Variants in SNX31 observed in about 807,000 individuals in gnomAD.
SNX31 encodes sorting nexin 31, also known as sorting nexin-31.
Under a neutral mutation model 65.4 loss-of-function variants are expected in SNX31, and 58 were observed. The observed-to-expected ratio is 0.89, with a 90% CI of 0.72 to 1.10. The LOEUF (loss-of-function observed/expected upper bound fraction) is 1.10, where lower values mean the gene tolerates loss of function less well. SNX31 is among the 50% of genes least tolerant of loss of function. The pLI is 0.00. For synonymous variants in SNX31, 181 were observed against 190.1 expected, an observed-to-expected ratio of 0.95 and a Z score of 0.39; for missense variants, 523 against 529.7, an observed-to-expected ratio of 0.99 and a Z score of 0.12.
intron 7 of SNX31, 46 bp from the exon 8 acceptor site, chr8:100,608,609 T>A: frequency 6.3e-7 from 1 of 1,585,598 alleles, no homozygotes. Context: ...ACATGGCCCA[T>A]GGGCACACCT....
At chr8:100,659,160 A>G (rs1432715629) in intron 1 of SNX31, among the ~76,000 whole-genome samples, 1 of 152,034 alleles carries the variant, frequency 6.6e-6, no homozygotes, top group African/African-American at 2.4e-5. Context: ...AGACTGGCCA[A>G]CATGGTGAAA....
chr8:100,590,811 A>T (rs1397935856), intron 10 of SNX31, among the ~76,000 whole-genome samples: 3 of 150,524 alleles, frequency 2.0e-5, no homozygotes, highest in African/African-American at 7.5e-5. Context: ...ACAACAACAA[A>T]ATATGAATTG....
chr8:100,641,563 AAAATATATAT>A (rs1181654708), intron 2 of SNX31, among the ~76,000 whole-genome samples: 19 of 22,578 alleles, frequency 8.4e-4, no homozygotes, highest in African/African-American at 5.9e-3. Flanking sequence ...AAAAAAAAAA[AAAATATATAT>A]ATATATATAT....
intron 4 of SNX31, among the ~76,000 whole-genome samples, chr8:100,623,960 AT>A (rs948593892): frequency 3.0e-5 from 3 of 99,238 alleles, no homozygotes; most frequent in African/African-American, 7.9e-5. Context: ...ACAACTAAGC[AT>A]TTTTTTTTCT....
chr8:100,608,152 T>C (rs1816347238), intron 8 of SNX31, among the ~76,000 whole-genome samples: 1 of 152,260 alleles, frequency 6.6e-6, no homozygotes, highest in East Asian at 1.9e-4. Flanking sequence ...TACATTTTAT[T>C]GTTATCGTGG....
At chr8:100,644,989 G>A (rs565966698) in intron 2 of SNX31, among the ~76,000 whole-genome samples, 12 of 152,322 alleles carry the variant, frequency 7.9e-5, no homozygotes, top group South Asian at 4.1e-4. Flanking sequence ...TTATGCATTA[G>A]CTCTCCACAT....
chr8:100,577,179 C>A, intron 12 of SNX31, 104 bp from the exon 13 acceptor site: 1 of 1,002,656 alleles, frequency 1.0e-6, no homozygotes, highest in Non-Finnish European at 1.5e-6. Flanking sequence ...TCCTCTTAAT[C>A]GTCCCAAAGG....
rs1333429377 is a variant in SNX31, at chr8:100,578,661, A to G, written c.1171-1586T>C. 3.3e-5 allele frequency among the ~76,000 whole-genome samples: 5 copies of G among 151,636 alleles called. No individual in the cohort carries two copies. The East Asian group carries it at 5.8e-4, about 18-fold the overall frequency. ...TAGTATTCTTAATGGAAATGTTCAC[A>G]TATTTAAGCCTATTTCAATGATTTT... On this transcript the variant is annotated intron_variant, in intron 12 of 13. Coordinates refer to ENST00000311812, the MANE Select transcript of SNX31 (RefSeq NM_152628.4). This position sits in a 1 kb window ranked among gnomAD's most constrained non-coding sequence, Gnocchi z 4.7.
intron 2 of SNX31, among the ~76,000 whole-genome samples, chr8:100,642,895 T>C (rs1819356590): frequency 1.3e-5 from 2 of 152,150 alleles, no homozygotes; most frequent in Admixed American, 6.5e-5. Flanking sequence ...AATATTTTCA[T>C]AAACCCCAGA....
At chr8:100,655,161 C>T (rs945965154) in intron 1 of SNX31, among the ~76,000 whole-genome samples, 1 of 152,146 alleles carries the variant, frequency 6.6e-6, no homozygotes. Context: ...TCTGCCACAA[C>T]AGCACACAGG....
Position 100,648,706 on chromosome 8 carries a change from G to C in SNX31, c.141+568C>G, listed in dbSNP as rs1308328620. Among the ~76,000 whole-genome samples, 8 of 152,176 alleles carry C rather than the reference G, an allele frequency of 5.3e-5. No homozygotes were observed. The highest frequency in any genetic ancestry group is 5.2e-4 in the Admixed American group (8 of 15,288). On this transcript the variant is annotated intron_variant, in intron 2 of 13. Transcript: ENST00000311812. This position sits in a 1 kb window ranked among gnomAD's most constrained non-coding sequence, Gnocchi z 4.3. ...GAAAATACTGTCAAGACAGCAGGGT[G>C]AGAAACTATCCTAGCTTGGTAAGTC...
intron 2 of SNX31, among the ~76,000 whole-genome samples, chr8:100,640,022 A>C (rs889732381): frequency 6.6e-6 from 1 of 152,166 alleles, no homozygotes; most frequent in Admixed American, 6.5e-5. Context: ...AATATGACCC[A>C]AAGTATAAAG....
chr8:100,654,788 G>A (rs1391307157), intron 1 of SNX31, among the ~76,000 whole-genome samples: 6 of 152,186 alleles, frequency 3.9e-5, no homozygotes, highest in East Asian at 1.9e-4. Flanking sequence ...TGAGGCATGC[G>A]GATCACTTGA....
chr8:100,655,549 C>A (rs1820041479), intron 1 of SNX31, among the ~76,000 whole-genome samples: 1 of 152,208 alleles, frequency 6.6e-6, no homozygotes, highest in Non-Finnish European at 1.5e-5. Context: ...CTCTTGTCTG[C>A]CACCATGTAA....
Position 100,612,934 on chromosome 8 carries a change from G to T in SNX31, c.523+61C>A. The stretch of plus-strand genomic sequence containing the variant: ...AGCCCCTCAGCTGTGACTCCTATGA[G>T]CCCCTGCTCACACCTGTCCACCCCA... On this transcript the variant is annotated intron_variant, in intron 6 of 13. Coordinates refer to ENST00000311812, the MANE Select transcript of SNX31 (RefSeq NM_152628.4). The surrounding 1 kb of genome is among the most constrained non-coding windows in gnomAD (Gnocchi z 4.3). 7.0e-7 allele frequency: 1 copy of T among 1,431,486 alleles called. No individual in the cohort carries two copies. The highest frequency in any genetic ancestry group is 9.9e-7 in the Non-Finnish European group (1 of 1,014,238). 88.7% of individuals were successfully genotyped at this position (1,431,486 alleles called of 1,614,324 possible). A position where few individuals can be genotyped will look rare whatever the true frequency, so the allele number is the denominator to read the frequency against.
intron 8 of SNX31, among the ~76,000 whole-genome samples, chr8:100,606,712 C>T (rs1563540924): frequency 2.0e-5 from 3 of 152,190 alleles, no homozygotes; most frequent in South Asian, 2.1e-4. Flanking sequence ...CTTAGAGTCA[C>T]GCTAAATAAA....
rs898011870 is a variant in SNX31, at chr8:100,578,219, A to G, written c.1171-1144T>C. On this transcript the variant is annotated intron_variant, in intron 12 of 13. Coordinates refer to ENST00000311812, the MANE Select transcript of SNX31 (RefSeq NM_152628.4). This position sits in a 1 kb window ranked among gnomAD's most constrained non-coding sequence, Gnocchi z 4.7. ...AGGCAGAGTGCCTGGCACACCTAGT[A>G]AACACCACCTAGCCAGGCTTTTTGG... Among the ~76,000 whole-genome samples the G allele has an allele frequency of 6.6e-6, 1 of 152,220 alleles. No homozygotes were observed. Among genetic ancestry groups the G allele is most frequent in the African/African-American group, 2.4e-5 (1 of 41,456 alleles).
In SNX31 at chr8:100,612,783, C is replaced by T. The variant is rs556848532; in HGVS notation, c.523+212G>A. ...GGCTGGGGGTACACAAGTGCAGTTA[C>T]TGGACCACCCAAGGTATGAGCGGTT... is the stretch of plus-strand genomic sequence containing the variant. On this transcript the variant is annotated intron_variant, in intron 6 of 13. Coordinates refer to ENST00000311812, the MANE Select transcript of SNX31 (RefSeq NM_152628.4). This position sits in a 1 kb window ranked among gnomAD's most constrained non-coding sequence, Gnocchi z 4.3. Among the ~76,000 whole-genome samples, 1 of 152,114 alleles carries T rather than the reference C, an allele frequency of 6.6e-6. No homozygotes were observed. The highest frequency in any genetic ancestry group is 1.5e-5 in the Non-Finnish European group (1 of 68,018).
In SNX31 at chr8:100,578,130, TTGAGGG is replaced by T. The variant is rs1813199603; in HGVS notation, c.1171-1061_1171-1056del. ...GGTTGGACAAGCTTGAGTTATCCCA[TTGAGGG>T]TAAGGTTGTAGTACACAGTCTCCCA... On this transcript the variant is annotated intron_variant, in intron 12 of 13. Coordinates refer to ENST00000311812, the MANE Select transcript of SNX31 (RefSeq NM_152628.4). This position sits in a 1 kb window ranked among gnomAD's most constrained non-coding sequence, Gnocchi z 4.7. 6.6e-6 allele frequency among the ~76,000 whole-genome samples: 1 copy of T among 152,154 alleles called. No homozygotes were observed. Among genetic ancestry groups the T allele is most frequent in the Non-Finnish European group, 1.5e-5 (1 of 68,020 alleles).
Sources: allele counts gnomAD v4.1 joint callset (sites outside exome capture counted in the v4.1 genomes callset), GRCh38; gene constraint gnomAD v4.1.1; non-coding constraint Gnocchi (gnomAD v3.1); transcripts MANE v1.5; gene names NCBI Gene and HGNC (gene_info 2026-07-23, HGNC 2026-07-21).